The following ZNF420 variants were observed in gnomAD, a reference collection of about 807,000 sequenced individuals.
ZNF420 encodes the protein ATM and p53-associated KZNF protein.
Under a neutral mutation model 44.7 loss-of-function variants are expected in ZNF420, and 31 were observed. That is an observed-to-expected ratio of 0.69 (90% CI 0.52 to 0.94). ZNF420 has a LOEUF of 0.94. ZNF420 is among the 40% of genes least tolerant of loss of function. ZNF420 has a pLI of 0.00. For missense variants in ZNF420, 681 were observed against 827.9 expected, an observed-to-expected ratio of 0.82 and a Z score of 2.18; for synonymous variants, 245 against 267.4, an observed-to-expected ratio of 0.92 and a Z score of 0.82.
At chr19:37,034,176 C>G (rs1967313006) in intron 1 of ZNF420, among the ~76,000 whole-genome samples, 2 of 151,978 alleles carry the variant, frequency 1.3e-5, no homozygotes, top group South Asian at 4.1e-4. Context: ...CTCACCAACA[C>G]TTATTTTTTC....
intron 2 of ZNF420, among the ~76,000 whole-genome samples, chr19:37,081,814 G>C (rs1442495079): frequency 1.3e-5 from 2 of 150,302 alleles, no homozygotes; most frequent in African/African-American, 2.5e-5. Context: ...CCAAAGTGCA[G>C]GGATTACAGG....
intron 4 of ZNF420, among the ~76,000 whole-genome samples, chr19:37,113,781 G>T (rs1334909941): frequency 6.6e-6 from 1 of 152,064 alleles, no homozygotes; most frequent in Admixed American, 6.6e-5. Flanking sequence ...CCTAATAGTT[G>T]ATCTGCATCT....
At chr19:37,117,970 A>G (rs1367475885) in intron 4 of ZNF420, among the ~76,000 whole-genome samples, 3 of 152,248 alleles carry the variant, frequency 2.0e-5, no homozygotes, top group African/African-American at 7.2e-5. Flanking sequence ...ATATGGGACT[A>G]TGTGAAAAGA....
intron 1 of ZNF420, among the ~76,000 whole-genome samples, chr19:37,027,933 G>A (rs948281074): frequency 6.6e-6 from 1 of 152,144 alleles, no homozygotes; most frequent in African/African-American, 2.4e-5. Context: ...ACTTATTTGG[G>A]TATGTAACAA....
chr19:37,024,982 C>G, intron 1 of ZNF420: 1 of 207,818 alleles, frequency 4.8e-6, no homozygotes, highest in East Asian at 1.1e-4. Flanking sequence ...GGCTTCTCTC[C>G]AGTATGAATA....
chr19:37,092,073 A>G (rs1969183454), intron 4 of ZNF420: 1 of 152,206 alleles, frequency 6.6e-6, no homozygotes, highest in Admixed American at 6.5e-5. Flanking sequence ...ATGAAACAAA[A>G]TCCGTATCAA....
chr19:37,103,949 A>G (rs1251172961), intron 4 of ZNF420, among the ~76,000 whole-genome samples: 1 of 150,866 alleles, frequency 6.6e-6, no homozygotes, highest in Non-Finnish European at 1.5e-5. Flanking sequence ...CATATTCCCT[A>G]ACTCCAGCTC....
At chr19:37,035,058 A>C (rs1967328137) in intron 1 of ZNF420, among the ~76,000 whole-genome samples, 1 of 152,252 alleles carries the variant, frequency 6.6e-6, no homozygotes, top group Non-Finnish European at 1.5e-5. Context: ...AGGCTGCGAT[A>C]GTTCCCATGG....
At chr19:37,014,337 G>C (rs2074593699) in intron 1 of ZNF420, among the ~76,000 whole-genome samples, 1 of 152,164 alleles carries the variant, frequency 6.6e-6, no homozygotes, top group Non-Finnish European at 1.5e-5. Flanking sequence ...TGGGATCTCA[G>C]CTGTTACTGT....
chr19:37,044,999 A>G (rs1457866381), intron 1 of ZNF420, among the ~76,000 whole-genome samples: 1 of 152,308 alleles, frequency 6.6e-6, no homozygotes, highest in East Asian at 1.9e-4. Flanking sequence ...CATTGGTGCC[A>G]GTGCATCAGG....
chr19:37,107,420 G>C (rs1159520290), intron 4 of ZNF420: 1 of 152,146 alleles, frequency 6.6e-6, no homozygotes, highest in Non-Finnish European at 1.5e-5. Flanking sequence ...TAGCCCTTTG[G>C]TAAATCCATT....
intron 1 of ZNF420, among the ~76,000 whole-genome samples, chr19:37,018,346 C>G (rs1051457147): frequency 4.6e-5 from 7 of 152,212 alleles, no homozygotes; most frequent in Admixed American, 4.6e-4. Flanking sequence ...GGCAAAACAA[C>G]CCTAAAAACT....
At chr19:37,114,162 C>T (rs910966597) in intron 4 of ZNF420, among the ~76,000 whole-genome samples, 1 of 152,070 alleles carries the variant, frequency 6.6e-6, no homozygotes, top group Non-Finnish European at 1.5e-5. Context: ...GTTTTCTTGC[C>T]TTATCAATAA....
At chr19:37,093,211 A>AAAAC in intron 4 of ZNF420, 1 of 151,950 alleles carries the variant, frequency 6.6e-6, no homozygotes, top group East Asian at 2.0e-4. Context: ...AAACAACCAC[A>AAAAC]TCTCGCGTGA....
chr19:37,089,227 A>C, intron 3 of ZNF420, 100 bp downstream of exon 3: 1 of 1,028,552 alleles, frequency 9.7e-7, no homozygotes, highest in Non-Finnish European at 1.5e-6. Context: ...AACTGACCTC[A>C]CTCAGGAATG....
intron 1 of ZNF420, among the ~76,000 whole-genome samples, chr19:37,053,391 C>A (rs1411479106): frequency 6.6e-6 from 1 of 152,206 alleles, no homozygotes; most frequent in Non-Finnish European, 1.5e-5. Flanking sequence ...CAGCTTTGTT[C>A]CGTTGCTGGT....
intron 4 of ZNF420, among the ~76,000 whole-genome samples, chr19:37,122,615 T>TA (rs1971115718): frequency 6.6e-6 from 1 of 151,914 alleles, no homozygotes; most frequent in African/African-American, 2.4e-5. Context: ...AAGTATAATT[T>TA]AAAAAAACAA....
At chr19:37,114,953 T>G (rs1599706823) in intron 4 of ZNF420, 1 of 154,208 alleles carries the variant, frequency 6.5e-6, no homozygotes, top group African/African-American at 2.4e-5. Flanking sequence ...TTGTTTGAAA[T>G]AGAGTGATTA....
chr19:37,109,091 CAGTA>C (rs1411079636), intron 4 of ZNF420, among the ~76,000 whole-genome samples: 4 of 152,182 alleles, frequency 2.6e-5, no homozygotes, highest in Admixed American at 6.5e-5. Flanking sequence ...ACTGGTGGTA[CAGTA>C]AGTAAGTACT....
Sources: allele counts gnomAD v4.1 joint callset (sites outside exome capture counted in the v4.1 genomes callset), GRCh38; gene constraint gnomAD v4.1.1; transcripts MANE v1.5; gene names NCBI Gene and HGNC (gene_info 2026-07-23, HGNC 2026-07-21).